The following NMRAL1 variants were observed in gnomAD, a reference collection of about 807,000 sequenced individuals.
NMRAL1 encodes the protein nmrA-like family domain-containing protein 1.
Under a neutral mutation model 27.5 loss-of-function variants are expected in NMRAL1, and 32 were observed. The observed-to-expected ratio is 1.16, with a 90% confidence interval of 0.88 to 1.56. The LOEUF is 1.56. NMRAL1 is among the 40% of genes most tolerant of loss of function. The pLI is 0.00. For synonymous variants in NMRAL1, 166 were observed against 166.8 expected, an observed-to-expected ratio of 1.00 and a Z score of 0.04; for missense variants, 420 against 392.0, an observed-to-expected ratio of 1.07 and a Z score of -0.60.
chr16:4,463,516 G>T, intron 5 of NMRAL1, 144 bp downstream of exon 5: 2 of 676,996 alleles, frequency 3.0e-6, no homozygotes, highest in Non-Finnish European at 4.8e-6. Flanking sequence ...TTAGCTCCTG[G>T]AACAGCAGAA....
At chr16:4,464,981 C>T (rs2057262918) in intron 4 of NMRAL1, among the ~76,000 whole-genome samples, 1 of 151,042 alleles carries the variant, frequency 6.6e-6, no homozygotes, top group Non-Finnish European at 1.5e-5. Context: ...GATCTCGGCT[C>T]ACTGCAACCT....
chr16:4,469,866 TAAAAA>T (rs776897364), intron 2 of NMRAL1, among the ~76,000 whole-genome samples: 20 of 97,702 alleles, frequency 2.0e-4, no homozygotes, highest in Admixed American at 3.1e-4. Context: ...GAATCTGTAT[TAAAAA>T]AAAAAAAAAA....
intron 5 of NMRAL1, chr16:4,463,394 G>A: frequency 1.9e-6 from 1 of 519,894 alleles, no homozygotes; most frequent in Non-Finnish European, 3.3e-6. Context: ...GAGCCCGGCA[G>A]GGCCTGCATT....
chr16:4,463,952 G>A (rs1596383375), intron 4 of NMRAL1, 102 bp from the exon 5 acceptor site: 3 of 888,112 alleles, frequency 3.4e-6, no homozygotes, highest in Non-Finnish European at 5.3e-6. Context: ...CCAGCAGTCA[G>A]CTGCACACTC....
chr16:4,464,131 G>C, intron 4 of NMRAL1: 1 of 505,634 alleles, frequency 2.0e-6, no homozygotes, highest in Non-Finnish European at 3.5e-6. Flanking sequence ...TAAGAACCTG[G>C]GCCTGCCCAG....
chr16:4,475,343 G>T (rs1596419950), upstream of NMRAL1, among the ~76,000 whole-genome samples: 2 of 144,936 alleles, frequency 1.4e-5, no homozygotes, highest in Admixed American at 1.4e-4. Context: ...CTTGCTCTGT[G>T]GCCCAGGCTG....
intron 2 of NMRAL1, chr16:4,471,453 C>CA (rs752423617): frequency 1.7e-4 from 25 of 147,816 alleles, no homozygotes; most frequent in African/African-American, 3.3e-4. Flanking sequence ...CATATCTCTA[C>CA]AAAAAAAAAC....
chr16:4,468,265 G>A (rs971144888), intron 3 of NMRAL1, among the ~76,000 whole-genome samples: 2 of 152,146 alleles, frequency 1.3e-5, no homozygotes, highest in East Asian at 3.9e-4. Context: ...TTGCGCCATT[G>A]CATGCCAGCC....
chr16:4,467,978 G>T (rs572367818), intron 3 of NMRAL1, among the ~76,000 whole-genome samples: 1 of 151,986 alleles, frequency 6.6e-6, no homozygotes, highest in South Asian at 2.1e-4. Flanking sequence ...GTACCAGGAA[G>T]CCCACAGGGA....
At chr16:4,474,252 C>A in intron 1 of NMRAL1, 86 bp from the exon 2 acceptor site, 1 of 982,270 alleles carries the variant, frequency 1.0e-6, no homozygotes, top group Non-Finnish European at 1.6e-6. Flanking sequence ...GTCTATGCAT[C>A]GAGTATGTGT....
intron 5 of NMRAL1, among the ~76,000 whole-genome samples, chr16:4,462,812 C>T (rs1473510656): frequency 2.0e-5 from 3 of 150,582 alleles, no homozygotes; most frequent in Non-Finnish European, 3.0e-5. Flanking sequence ...TGTGAGCTAC[C>T]GCGCCTGACC....
intron 5 of NMRAL1, among the ~76,000 whole-genome samples, chr16:4,462,625 G>C (rs2141412980): frequency 6.6e-6 from 1 of 152,206 alleles, no homozygotes; most frequent in East Asian, 1.9e-4. Flanking sequence ...TGTCATCCCA[G>C]CACTTTGGGA....
intron 5 of NMRAL1, 52 bp from the exon 6 acceptor site, chr16:4,462,011 T>G: frequency 6.6e-7 from 1 of 1,522,022 alleles, no homozygotes; most frequent in South Asian, 1.2e-5. Context: ...CCCCGGGAGG[T>G]GGCGGGGCAG....
intron 3 of NMRAL1, 49 bp from the exon 4 acceptor site, chr16:4,466,451 G>A (rs1407006313): frequency 1.9e-6 from 3 of 1,583,416 alleles, no homozygotes; most frequent in Admixed American, 1.7e-5. Flanking sequence ...AAGGATGTCT[G>A]TCCCTGGTCA....
chr16:4,475,414 TCTC>T (rs1435070842), upstream of NMRAL1, among the ~76,000 whole-genome samples: 4 of 151,726 alleles, frequency 2.6e-5, no homozygotes, highest in African/African-American at 9.7e-5. Context: ...TTCAAGTGAT[TCTC>T]CTGCCTCAGT....
chr16:4,472,743 C>CAAAA (rs1351049797), intron 2 of NMRAL1, among the ~76,000 whole-genome samples: 8,673 of 76,742 alleles, frequency 0.11, 555 homozygotes, highest in African/African-American at 0.21. Flanking sequence ...GACTCTGTCT[C>CAAAA]AAAAAAAAAA....
chr16:4,466,471 C>A, intron 3 of NMRAL1, 69 bp from the exon 4 acceptor site: 1 of 1,529,054 alleles, frequency 6.5e-7, no homozygotes, highest in Admixed American at 1.8e-5. Flanking sequence ...ACAGCCCCAG[C>A]ATTCTAATCC....
chr16:4,462,748 T>A (rs2141413380), intron 5 of NMRAL1, among the ~76,000 whole-genome samples: 1 of 152,190 alleles, frequency 6.6e-6, no homozygotes, highest in South Asian at 2.1e-4. Context: ...ATGGTCTCGA[T>A]TTCCTGACCT....
intron 4 of NMRAL1, among the ~76,000 whole-genome samples, chr16:4,465,910 C>T (rs1280289307): frequency 6.6e-6 from 1 of 152,128 alleles, no homozygotes; most frequent in Non-Finnish European, 1.5e-5. Flanking sequence ...ATGGACCAAG[C>T]GAATATCGTG....
Sources: gnomAD v4.1 joint callset for allele counts (sites outside exome capture counted in the v4.1 genomes callset) on GRCh38, gnomAD v4.1.1 for gene constraint, MANE v1.5 for transcripts, NCBI Gene and HGNC (gene_info 2026-07-23, HGNC 2026-07-21) for gene names.